Variants in SLC24A2 observed in about 807,000 individuals in gnomAD.
SLC24A2 encodes the protein sodium/potassium/calcium exchanger 2.
A neutral mutation model predicts 62.0 loss-of-function variants in SLC24A2; 36 were observed. The observed-to-expected ratio is 0.58, with a 90% CI of 0.44 to 0.77. The LOEUF (loss-of-function observed/expected upper bound fraction) is 0.77. SLC24A2 is among the 30% of genes least tolerant of loss of function. SLC24A2 has a pLI of 0.00. For synonymous variants in SLC24A2, 358 were observed against 294.0 expected (o/e 1.22, Z -2.23); for missense variants, 846 against 817.9 (o/e 1.03, Z -0.42).
chr9:20,172,695 A>C, the SLC24A2 span, among the ~76,000 whole-genome samples: 1 of 151,998 alleles, frequency 6.6e-6, no homozygotes, highest in African/African-American at 2.4e-5. Flanking sequence ...AGTGAATTTA[A>C]CATGAAATAA....
chr9:19,547,739 C>G (rs760108080), intron 8 of SLC24A2, among the ~76,000 whole-genome samples: 8 of 151,468 alleles, frequency 5.3e-5, no homozygotes, highest in Non-Finnish European at 1.2e-4. Flanking sequence ...ACATGAGGCC[C>G]CTTTTGGGAA....
chr9:19,847,221 T>C, the SLC24A2 span, among the ~76,000 whole-genome samples: 8 of 152,224 alleles, frequency 5.3e-5, no homozygotes, highest in African/African-American at 1.9e-4. Context: ...AATTTCTGCA[T>C]TTTTAATAAA....
At chr9:20,233,306 G>A in the SLC24A2 span, among the ~76,000 whole-genome samples, 2 of 152,064 alleles carry the variant, frequency 1.3e-5, no homozygotes, top group Non-Finnish European at 2.9e-5. Context: ...TCGTTGATCT[G>A]TCTAATGTTG....
the SLC24A2 span, among the ~76,000 whole-genome samples, chr9:20,123,740 T>A: frequency 6.6e-6 from 1 of 152,152 alleles, no homozygotes; most frequent in Non-Finnish European, 1.5e-5. Context: ...ATCTAGTAAG[T>A]AACAATGCTT....
At chr9:19,958,145 T>A in the SLC24A2 span, 1 of 152,128 alleles carries the variant, frequency 6.6e-6, no homozygotes, top group African/African-American at 2.4e-5. Flanking sequence ...TGTAGGGTCT[T>A]TGAGGGCATC....
At chr9:19,641,172 C>A (rs1322692830) in intron 2 of SLC24A2, among the ~76,000 whole-genome samples, 1 of 152,234 alleles carries the variant, frequency 6.6e-6, no homozygotes, top group Admixed American at 6.5e-5. Flanking sequence ...CGTGACATCT[C>A]AGCATTTGTC....
At chr9:19,581,639 A>G (rs1836213515) in intron 5 of SLC24A2, among the ~76,000 whole-genome samples, 1 of 152,232 alleles carries the variant, frequency 6.6e-6, no homozygotes, top group African/African-American at 2.4e-5. Flanking sequence ...TTCTTCTCCT[A>G]AATTACTGAA....
the SLC24A2 span, among the ~76,000 whole-genome samples, chr9:19,867,898 ACT>A: frequency 3.9e-5 from 6 of 151,972 alleles, no homozygotes; most frequent in East Asian, 1.9e-4. Context: ...ACAGAGCGAG[ACT>A]CTGTCTCAGA....
the SLC24A2 span, among the ~76,000 whole-genome samples, chr9:20,279,204 G>A: frequency 1.3e-5 from 2 of 152,154 alleles, no homozygotes; most frequent in African/African-American, 4.8e-5. Context: ...GATTTGGATG[G>A]GGACACAGCC....
At chr9:20,259,296 T>A in the SLC24A2 span, among the ~76,000 whole-genome samples, 1 of 152,318 alleles carries the variant, frequency 6.6e-6, no homozygotes, top group African/African-American at 2.4e-5. Context: ...AGCCACACAA[T>A]TTGTGGTAAT....
chr9:19,603,553 A>G (rs1175988616), intron 4 of SLC24A2, among the ~76,000 whole-genome samples: 1 of 152,130 alleles, frequency 6.6e-6, no homozygotes, highest in Non-Finnish European at 1.5e-5. Context: ...CACACTCACA[A>G]TCCAACCAGT....
the SLC24A2 span, among the ~76,000 whole-genome samples, chr9:20,217,786 T>A: frequency 6.6e-6 from 1 of 152,202 alleles, no homozygotes; most frequent in Non-Finnish European, 1.5e-5. Flanking sequence ...TGTTTTGGCT[T>A]CCTTTACTTC....
chr9:19,940,546 T>G, the SLC24A2 span, among the ~76,000 whole-genome samples: 8 of 152,276 alleles, frequency 5.3e-5, no homozygotes, highest in African/African-American at 1.7e-4. Flanking sequence ...CAACCTTTTC[T>G]GACACTGTAA....
At chr9:20,021,358 T>C in the SLC24A2 span, among the ~76,000 whole-genome samples, 1 of 151,954 alleles carries the variant, frequency 6.6e-6, no homozygotes, top group South Asian at 2.1e-4. Context: ...TTTATATATA[T>C]ATATTTATAT....
the SLC24A2 span, among the ~76,000 whole-genome samples, chr9:19,972,257 A>T: frequency 5.3e-5 from 8 of 152,100 alleles, no homozygotes; most frequent in South Asian, 1.7e-3. Flanking sequence ...GAAGGAAGAA[A>T]ATCTTGATGA....
chr9:20,208,611 TG>T, the SLC24A2 span, among the ~76,000 whole-genome samples: 2 of 152,326 alleles, frequency 1.3e-5, no homozygotes, highest in Non-Finnish European at 2.9e-5. Context: ...AATACAAATG[TG>T]GCATATTTAA....
At chr9:19,884,066 G>A in the SLC24A2 span, among the ~76,000 whole-genome samples, 43 of 152,232 alleles carry the variant, frequency 2.8e-4, no homozygotes, top group East Asian at 6.0e-3. Context: ...ATAATAGGAC[G>A]AATGGTTGAT....
the SLC24A2 span, among the ~76,000 whole-genome samples, chr9:20,125,307 A>G: frequency 1.3e-5 from 2 of 152,216 alleles, no homozygotes; most frequent in Admixed American, 1.3e-4. Flanking sequence ...TGAGGAAACT[A>G]AGGCTCAGAG....
At chr9:20,168,844 T>C in the SLC24A2 span, among the ~76,000 whole-genome samples, 1 of 151,984 alleles carries the variant, frequency 6.6e-6, no homozygotes, top group Non-Finnish European at 1.5e-5. Context: ...GCAGTTTCAC[T>C]CTCAGGTGTG....
Sources: gnomAD v4.1 joint callset for allele counts (sites outside exome capture counted in the v4.1 genomes callset) on GRCh38, gnomAD v4.1.1 for gene constraint, MANE v1.5 for transcripts, NCBI Gene and HGNC (gene_info 2026-07-23, HGNC 2026-07-21) for gene names.